The following GRID2 variants were observed in gnomAD, a reference collection of about 807,000 sequenced individuals.
GRID2 encodes the protein glutamate receptor ionotropic, delta-2.
A neutral mutation model predicts 114.8 loss-of-function variants in GRID2; 33 were observed. That is an observed-to-expected ratio of 0.29 (90% CI 0.22 to 0.38). GRID2 has a LOEUF of 0.38. GRID2 is among the 10% of genes least tolerant of loss of function. The probability of loss-of-function intolerance (pLI) is 1.00; values close to 1 mark genes in which losing one functional copy is unlikely to be tolerated. For missense variants in GRID2, 1,184 were observed against 1,257.7 expected, an observed-to-expected ratio of 0.94 and a Z score of 0.89; for synonymous variants, 505 against 449.9, an observed-to-expected ratio of 1.12 and a Z score of -1.55.
rs572261686 is a variant in GRID2, at chr4:93,366,082, G to A, written c.1246-29525G>A. Among the ~76,000 whole-genome samples, 12 of 152,012 alleles carry A rather than the reference G, an allele frequency of 7.9e-5. No individual in the cohort carries two copies. In the East Asian group the frequency reaches 1.6e-3, roughly 20 times the overall value. ...AATAATTGCATTAACTGCACAAACTGTACAGCATGTGTGTTTGAGCAATAT... is the reference window on the plus strand; with the variant it reads ...AATAATTGCATTAACTGCACAAACTATACAGCATGTGTGTTTGAGCAATAT... On this transcript the variant is annotated intron_variant, in intron 8 of 15. Transcript: ENST00000282020.
chr4:92,855,284 C>T (rs1744097034), intron 2 of GRID2, among the ~76,000 whole-genome samples: 1 of 151,970 alleles, frequency 6.6e-6, no homozygotes, highest in Admixed American at 6.6e-5. Flanking sequence ...AAAGCAATTC[C>T]CTGAAACCAC....
intron 4 of GRID2, among the ~76,000 whole-genome samples, chr4:93,192,592 A>G (rs1741086784): frequency 6.6e-6 from 1 of 151,994 alleles, no homozygotes; most frequent in South Asian, 2.1e-4. Flanking sequence ...TACTAAAAAT[A>G]CAAAAAATAG....
At chr4:92,849,327 A>G (rs1200316451) in intron 2 of GRID2, among the ~76,000 whole-genome samples, 4 of 151,670 alleles carry the variant, frequency 2.6e-5, no homozygotes, top group East Asian at 1.9e-4. Context: ...CTTCTGGGAG[A>G]TGGTGGAATG....
intron 14 of GRID2, among the ~76,000 whole-genome samples, chr4:93,685,599 T>G (rs1726002862): frequency 6.6e-6 from 1 of 152,106 alleles, no homozygotes; most frequent in African/African-American, 2.4e-5. Flanking sequence ...ATGACACCAG[T>G]AGTTAGTTAG....
chr4:92,818,641 C>T (rs1335574908), intron 2 of GRID2, among the ~76,000 whole-genome samples: 1 of 152,112 alleles, frequency 6.6e-6, no homozygotes, highest in East Asian at 1.9e-4. Context: ...AAGAACCTTT[C>T]TTATATTAAC....
chr4:93,095,064 A>G (rs12643508), intron 3 of GRID2, among the ~76,000 whole-genome samples: 9,443 of 152,092 alleles, frequency 0.062, 510 homozygotes, highest in East Asian at 0.2. Context: ...GAAAGTTAAC[A>G]AAGTCTAAAA....
intron 1 of GRID2, among the ~76,000 whole-genome samples, chr4:92,390,735 T>C (rs529186650): frequency 1.3e-5 from 2 of 152,286 alleles, no homozygotes; most frequent in South Asian, 4.1e-4. Context: ...AGTTTCAGGT[T>C]TTACTCAACA....
At chr4:92,530,863 T>G (rs1052903103) in intron 1 of GRID2, among the ~76,000 whole-genome samples, 2 of 151,730 alleles carry the variant, frequency 1.3e-5, no homozygotes, top group African/African-American at 4.8e-5. Context: ...GCTGAGATCA[T>G]GCCACTGCAC....
chr4:92,319,166 T>G (rs1324761429), intron 1 of GRID2, among the ~76,000 whole-genome samples: 2 of 152,224 alleles, frequency 1.3e-5, no homozygotes, highest in African/African-American at 4.8e-5. Flanking sequence ...TAGAGATACT[T>G]ACTCCTAAGA....
intron 2 of GRID2, among the ~76,000 whole-genome samples, chr4:92,912,070 A>G (rs1022344915): frequency 1.3e-5 from 2 of 151,878 alleles, no homozygotes; most frequent in Non-Finnish European, 2.9e-5. Flanking sequence ...TTATGTTATC[A>G]TGTCTGTCAT....
At chr4:92,770,277 A>G (rs1738478219) in intron 2 of GRID2, among the ~76,000 whole-genome samples, 1 of 152,178 alleles carries the variant, frequency 6.6e-6, no homozygotes, top group South Asian at 2.1e-4. Flanking sequence ...AGACTACCTC[A>G]GCCTGGATCT....
At chr4:92,954,829 T>C (rs1000903914) in intron 2 of GRID2, among the ~76,000 whole-genome samples, 7 of 141,138 alleles carry the variant, frequency 5.0e-5, no homozygotes, top group Non-Finnish European at 7.6e-5. Flanking sequence ...TGTGATCTCA[T>C]TGTTCAATTC....
chr4:92,615,736 G>T (rs1173029995), intron 2 of GRID2, among the ~76,000 whole-genome samples: 1 of 151,416 alleles, frequency 6.6e-6, no homozygotes, highest in East Asian at 1.9e-4. Flanking sequence ...AAATTGAAAT[G>T]TGTCATTTTA....
chr4:93,511,522 G>C lies in GRID2; in HGVS notation c.1998-3694G>C, dbSNP rs1437533749. 2.6e-5 allele frequency among the ~76,000 whole-genome samples: 4 copies of C among 152,214 alleles called. No individual in the cohort carries two copies. The East Asian group carries it at 7.7e-4, about 29-fold the overall frequency. ...CAAGAAGATAAGGCTGATTAGAGCA[G>C]CAAAGCATTTTCTTTCTTTTATCAT... On this transcript the variant is annotated intron_variant, in intron 12 of 15. Transcript: ENST00000282020.
chr4:93,402,721 G>T (rs1766017407), intron 9 of GRID2, among the ~76,000 whole-genome samples: 1 of 151,798 alleles, frequency 6.6e-6, no homozygotes, highest in Non-Finnish European at 1.5e-5. Context: ...GAAAACAAAA[G>T]CACCCTGAAT....
chr4:92,619,557 G>A lies in GRID2; in HGVS notation c.244+29271G>A, dbSNP rs560049417. ...AATACCAAAACTGTTATCATTTTTGGCAATTCCCTGAGTATTGTTTTCTCT... is the reference window on the plus strand; with the variant it reads ...AATACCAAAACTGTTATCATTTTTGACAATTCCCTGAGTATTGTTTTCTCT... On this transcript the variant is annotated intron_variant, in intron 2 of 15. Coordinates refer to ENST00000282020, the MANE Select transcript of GRID2 (RefSeq NM_001510.4). 9.2e-5 allele frequency among the ~76,000 whole-genome samples: 14 copies of A among 151,508 alleles called. No individual in the cohort carries two copies. The South Asian group carries it at 2.9e-3, about 31-fold the overall frequency.
chr4:93,361,136 A>G (rs751043436), intron 8 of GRID2, among the ~76,000 whole-genome samples: 1 of 152,032 alleles, frequency 6.6e-6, no homozygotes, highest in Non-Finnish European at 1.5e-5. Flanking sequence ...ATTTTTTTAC[A>G]TGCAATAATT....
chr4:92,663,845 T>G (rs528971794), intron 2 of GRID2, among the ~76,000 whole-genome samples: 1 of 151,256 alleles, frequency 6.6e-6, no homozygotes, highest in African/African-American at 2.4e-5. Context: ...TTTCTGACAT[T>G]ATAATTTTGG....
chr4:92,451,858 A>G (rs1720940966), intron 1 of GRID2, among the ~76,000 whole-genome samples: 1 of 152,206 alleles, frequency 6.6e-6, no homozygotes, highest in Non-Finnish European at 1.5e-5. Flanking sequence ...TGAGCCTAGA[A>G]AATTAGACTT....
Sources: gnomAD v4.1 joint callset for allele counts (sites outside exome capture counted in the v4.1 genomes callset) on GRCh38, gnomAD v4.1.1 for gene constraint, MANE v1.5 for transcripts, NCBI Gene and HGNC (gene_info 2026-07-23, HGNC 2026-07-21) for gene names.